The following RASA2 variants were observed in gnomAD, a reference collection of about 807,000 sequenced individuals.
RASA2 encodes the protein ras GTPase-activating protein 2.
A neutral mutation model predicts 118.2 loss-of-function variants in RASA2; 155 were observed. The observed-to-expected ratio is 1.31, with a 90% CI of 1.15 to 1.50. RASA2 has a LOEUF of 1.50. Among genes scored for constraint, RASA2 ranks in the 40% most tolerant of loss-of-function variants. RASA2 has a pLI of 0.00. For missense variants in RASA2, 1,016 were observed against 1,009.6 expected, an observed-to-expected ratio of 1.01 and a Z score of -0.09; for synonymous variants, 353 against 349.1, an observed-to-expected ratio of 1.01 and a Z score of -0.12.
chr3:141,488,861 A>G (rs145162271), intron 1 of RASA2, among the ~76,000 whole-genome samples: 203 of 152,260 alleles, frequency 1.3e-3, no homozygotes, highest in African/African-American at 4.5e-3. Context: ...GGCATTGTCT[A>G]TTGGAGACTC....
chr3:141,610,106 G>A (rs79390838), intron 23 of RASA2, 40 bp downstream of exon 23: 5 of 1,481,796 alleles, frequency 3.4e-6, no homozygotes, highest in Admixed American at 2.1e-5. Flanking sequence ...ATTTTTAAAC[G>A]GAGTTTGAGA....
intron 1 of RASA2, among the ~76,000 whole-genome samples, chr3:141,497,024 A>G (rs1455422096): frequency 6.6e-6 from 1 of 152,092 alleles, no homozygotes; most frequent in Non-Finnish European, 1.5e-5. Context: ...AGGGACATGG[A>G]TGAAGCTGGA....
intron 19 of RASA2, among the ~76,000 whole-genome samples, chr3:141,604,782 G>A (rs900759924): frequency 9.9e-5 from 15 of 150,920 alleles, no homozygotes; most frequent in African/African-American, 2.9e-4. Flanking sequence ...GGGAGGGATG[G>A]CATTAGGAAA....
In RASA2 at chr3:141,487,079, G is replaced by T. The variant is rs764459706; in HGVS notation, c.-5G>T. 1 of 1,341,268 alleles carries T rather than the reference G, an allele frequency of 7.5e-7. No homozygotes were observed. The allele number at this position is 1,341,268 out of a possible 1,614,324, so 83.1% of individuals were successfully genotyped here. A position where few individuals can be genotyped will look rare whatever the true frequency, so the allele number is the denominator to read the frequency against. ...GCAGGGCTGCGGCACGGGCCGGGCG[G>T]CACCATGGCGGCGGCGGCGCCTGCT... On this transcript the variant is annotated 5_prime_UTR_variant, in exon 1 of 24. Coordinates refer to ENST00000286364, the MANE Select transcript of RASA2 (RefSeq NM_006506.5).
intron 19 of RASA2, among the ~76,000 whole-genome samples, chr3:141,592,108 A>G (rs567151005): frequency 1.3e-5 from 2 of 152,334 alleles, no homozygotes; most frequent in African/African-American, 4.8e-5. Flanking sequence ...ATAATAAATC[A>G]GATGAACAAA....
intron 9 of RASA2, among the ~76,000 whole-genome samples, chr3:141,570,535 C>A (rs1015603227): frequency 6.6e-6 from 1 of 152,158 alleles, no homozygotes; most frequent in Non-Finnish European, 1.5e-5. Flanking sequence ...TAATTTTCAG[C>A]TAAATGCCTC....
At chr3:141,580,222 G>T (rs2083089241) in intron 15 of RASA2, 146 bp from the exon 16 acceptor site, 2 of 535,988 alleles carry the variant, frequency 3.7e-6, no homozygotes, top group Non-Finnish European at 6.5e-6. Context: ...GTTGTACCCA[G>T]CCTTAGCTAG....
chr3:141,610,345 ATATT>A (rs1234392629), intron 23 of RASA2, among the ~76,000 whole-genome samples: 2 of 126,480 alleles, frequency 1.6e-5, no homozygotes, highest in African/African-American at 3.0e-5. Flanking sequence ...TATTTTATAT[ATATT>A]TATATTTATA....
intron 3 of RASA2, among the ~76,000 whole-genome samples, chr3:141,529,422 T>G (rs567825493): frequency 6.6e-6 from 1 of 152,200 alleles, no homozygotes; most frequent in Non-Finnish European, 1.5e-5. Flanking sequence ...AACATGAATC[T>G]GAATAAGTAC....
At chr3:141,568,642 T>A (rs908425512) in intron 9 of RASA2, among the ~76,000 whole-genome samples, 3 of 152,056 alleles carry the variant, frequency 2.0e-5, no homozygotes, top group Non-Finnish European at 4.4e-5. Flanking sequence ...TAAAGAAGAT[T>A]CTGGTTCAAA....
At chr3:141,582,352 A>C (rs547378836) in intron 17 of RASA2, among the ~76,000 whole-genome samples, 1 of 152,366 alleles carries the variant, frequency 6.6e-6, no homozygotes, top group South Asian at 2.1e-4. Flanking sequence ...CTTTCAAAAG[A>C]ATAGGCAAAG....
chr3:141,586,924 A>G, intron 19 of RASA2, 172 bp downstream of exon 19: 1 of 665,496 alleles, frequency 1.5e-6, no homozygotes. Context: ...AACCCCATGT[A>G]TATTATGTTT....
At chr3:141,597,752 G>A (rs114648694) in intron 19 of RASA2, among the ~76,000 whole-genome samples, 141 of 152,122 alleles carry the variant, frequency 9.3e-4, no homozygotes, top group African/African-American at 3.3e-3. Flanking sequence ...AGTACAATCA[G>A]TGAAATAGGA....
At chr3:141,495,968 A>G (rs1374353553) in intron 1 of RASA2, among the ~76,000 whole-genome samples, 1 of 152,238 alleles carries the variant, frequency 6.6e-6, no homozygotes, top group East Asian at 1.9e-4. Context: ...TATCCTGTGT[A>G]TTGTTTTAAA....
At chr3:141,529,644 T>C in intron 3 of RASA2, 64 bp from the exon 4 acceptor site, 4 of 1,106,706 alleles carry the variant, frequency 3.6e-6, no homozygotes, top group Non-Finnish European at 5.4e-6. Context: ...TATAAAACAG[T>C]GCTAATGAGT....
intron 17 of RASA2, among the ~76,000 whole-genome samples, chr3:141,581,398 TTAG>T (rs1374469653): frequency 4.5e-4 from 68 of 152,332 alleles, no homozygotes; most frequent in African/African-American, 1.6e-3. Flanking sequence ...TGCCAGTGCA[TTAG>T]AAACACAAAT....
chr3:141,594,360 A>G (rs1348498217), intron 19 of RASA2, among the ~76,000 whole-genome samples: 2 of 148,364 alleles, frequency 1.3e-5, no homozygotes, highest in African/African-American at 5.1e-5. Context: ...GGACAAAAAA[A>G]AAAATTTTTT....
intron 19 of RASA2, among the ~76,000 whole-genome samples, chr3:141,587,881 G>A (rs937972133): frequency 6.6e-4 from 3 of 4,560 alleles, no homozygotes; most frequent in Admixed American, 1.8e-3. Flanking sequence ...CCAAAAGGTT[G>A]GTTAAAAGTG....
chr3:141,601,950 C>T (rs1307154284), intron 19 of RASA2, among the ~76,000 whole-genome samples: 2 of 152,166 alleles, frequency 1.3e-5, no homozygotes, highest in African/African-American at 4.8e-5. Context: ...TTGTACTTTT[C>T]AGCTCCAGAA....
Sources: gnomAD v4.1 joint callset for allele counts (sites outside exome capture counted in the v4.1 genomes callset) on GRCh38, gnomAD v4.1.1 for gene constraint, MANE v1.5 for transcripts, NCBI Gene and HGNC (gene_info 2026-07-23, HGNC 2026-07-21) for gene names.